Variants in OTUD4 observed in about 807,000 individuals in gnomAD.
OTUD4 encodes the protein OTU domain-containing protein 4.
Under a neutral mutation model 130.4 loss-of-function variants are expected in OTUD4, and 24 were observed. The ratio of observed to expected loss-of-function variants is 0.18; its 90% CI spans 0.13 to 0.26. OTUD4 has a LOEUF of 0.26. Among genes scored for constraint, OTUD4 ranks in the 10% least tolerant of loss-of-function variants. The pLI, the probability that OTUD4 is intolerant of heterozygous loss-of-function variation, is 1.00. For synonymous variants in OTUD4, 420 were observed against 472.5 expected (o/e 0.89, Z 1.44); for missense variants, 1,031 against 1,329.4 (o/e 0.78, Z 3.49).
chr4:145,177,942 CCA>C (rs762502151), intron 1 of OTUD4, among the ~76,000 whole-genome samples: 1 of 151,742 alleles, frequency 6.6e-6, no homozygotes, highest in Non-Finnish European at 1.5e-5. Context: ...TTCCTTTTTC[CCA>C]CACACACACA....
At chr4:145,145,521 G>C (rs36226326) in intron 14 of OTUD4, among the ~76,000 whole-genome samples, 3 of 152,088 alleles carry the variant, frequency 2.0e-5, no homozygotes, top group South Asian at 2.1e-4. Context: ...GTAACCTCCC[G>C]TAACAGTCCA....
rs1181829670 is a variant in OTUD4, at chr4:145,137,756, G to A, written c.3019C>T (p.Pro1007Ser). ...DPKTAADVVS[P>S]GANSVDSRVQ... is the part of the protein sequence containing the mutation. ...CTGCTATCAACAGAGTTGGCCCCAGGGCTGACCACATCAGCAGCAGTCTTA... is the reference window on the plus strand; with the variant it reads ...CTGCTATCAACAGAGTTGGCCCCAGAGCTGACCACATCAGCAGCAGTCTTA... The change falls in exon 21 of 21, where the codon CCT (proline) becomes TCT (serine). Residue 1007 changes from proline (P) to serine (S), a missense_variant. This residue lies in a region of OTUD4 where 900 missense variants were observed against 1,095.9 expected (regional missense o/e 0.82). Coordinates refer to ENST00000447906, the MANE Select transcript of OTUD4 (RefSeq NM_001366057.1). 1 of 1,613,658 alleles carries A rather than the reference G, an allele frequency of 6.2e-7. No homozygotes were observed. Among genetic ancestry groups the A allele is most frequent in the African/African-American group, 1.3e-5 (1 of 74,774 alleles).
At chr4:145,156,510 C>A (rs1027614644) in intron 7 of OTUD4, among the ~76,000 whole-genome samples, 3 of 151,976 alleles carry the variant, frequency 2.0e-5, no homozygotes, top group Admixed American at 6.6e-5. Context: ...ATGGAGAAAC[C>A]CCATCTCTAC....
rs1450494033 is a variant in OTUD4, at chr4:145,141,371, G to C, written c.2083+8C>G. 2 of 1,571,460 alleles carry C rather than the reference G, an allele frequency of 1.3e-6. No homozygotes were observed. The highest frequency in any genetic ancestry group is 2.3e-5 in the East Asian group (1 of 43,816). ...TAAAGTCGATTTGAACTTGGAGAAG[G>C]AGCTCACCTTTAGGTAGGTCCTCCC... On this transcript the variant is annotated splice_region_variant and intron_variant, in intron 19 of 20. Coordinates refer to ENST00000447906, the MANE Select transcript of OTUD4 (RefSeq NM_001366057.1).
chr4:145,147,899 C>G (rs1237575220), intron 13 of OTUD4, among the ~76,000 whole-genome samples: 2 of 152,126 alleles, frequency 1.3e-5, no homozygotes, highest in African/African-American at 2.4e-5. Context: ...TAAAATCTGA[C>G]TAGATTTTGT....
At chr4:145,149,576 A>C (rs757580183) in intron 13 of OTUD4, 1 of 152,262 alleles carries the variant, frequency 6.6e-6, no homozygotes, top group Admixed American at 6.5e-5. Flanking sequence ...GGGGTGAAAG[A>C]GTAGAACAAG....
In OTUD4 at chr4:145,137,318, TG is replaced by T; in HGVS notation, c.*111del. Reference sequence around the variant, plus strand: ...GTATGGGAGTGAAGGTAAGGGGGGCTGGGGAGAGGAAAGAGTTCCAACTGCG... The same window carrying T: ...GTATGGGAGTGAAGGTAAGGGGGGCTGGGAGAGGAAAGAGTTCCAACTGCG... On this transcript the variant is annotated 3_prime_UTR_variant, in exon 21 of 21. Transcript: ENST00000447906. The T allele has an allele frequency of 1.2e-6, 1 of 852,600 alleles. No individual in the cohort carries two copies. The highest frequency in any genetic ancestry group is 1.9e-6 in the Non-Finnish European group (1 of 538,166). 52.8% of individuals were successfully genotyped at this position (852,600 alleles called of 1,614,324 possible). A position where few individuals can be genotyped will look rare whatever the true frequency, so the allele number is the denominator to read the frequency against.
chr4:145,164,651 A>G (rs945905192), intron 4 of OTUD4, among the ~76,000 whole-genome samples: 42 of 152,292 alleles, frequency 2.8e-4, no homozygotes, highest in African/African-American at 8.7e-4. Flanking sequence ...GAGCACCAAC[A>G]TGACACTCAA....
intron 3 of OTUD4, chr4:145,171,022 T>G (rs913914084): frequency 6.6e-6 from 1 of 152,262 alleles, no homozygotes; most frequent in African/African-American, 2.4e-5. Flanking sequence ...GAACTCTGCC[T>G]TCTCAGTTGC....
chr4:145,155,970 T>C lies in OTUD4; in HGVS notation c.656A>G (p.Asp219Gly). ...TGACAAAGGTTTAAATCCATTCACA[T>C]CAGCAGCAGCAGCAGCAGTCTTACT... Reference protein sequence around the residue: ...CKSKTAAAAADVNGFKPLSGN... With the variant: ...CKSKTAAAAAGVNGFKPLSGN... Residue 219 changes from aspartate to glycine, a missense_variant, in exon 8 of 21, where the codon GAT becomes GGT. Physicochemically the swap from Asp to Gly is moderately conservative, Grantham distance 94. Around this residue, in one of 3 missense-constraint regions of OTUD4, gnomAD observed 900 missense variants for 1,095.9 expected, o/e 0.82. Coordinates refer to ENST00000447906, the MANE Select transcript of OTUD4 (RefSeq NM_001366057.1). 1.2e-6 allele frequency: 2 copies of C among 1,606,738 alleles called. No homozygotes were observed. The highest frequency in any genetic ancestry group is 1.7e-6 in the Non-Finnish European group (2 of 1,174,898).
At chr4:145,173,679 A>G (rs1272358896) in intron 2 of OTUD4, among the ~76,000 whole-genome samples, 1 of 152,108 alleles carries the variant, frequency 6.6e-6, no homozygotes, top group Non-Finnish European at 1.5e-5. Flanking sequence ...AACATTCTCT[A>G]CCAGTCAACT....
rs965174834 is a variant in OTUD4 at position 145,179,699 on chromosome 4, G to A, written c.159+116C>T. 29 of 1,410,864 alleles carry A rather than the reference G, an allele frequency of 2.1e-5. No individual in the cohort carries two copies. The African/African-American group carries it at 4.0e-4, about 19-fold the overall frequency. 87.4% of individuals were successfully genotyped at this position (1,410,864 alleles called of 1,614,324 possible). A position where few individuals can be genotyped will look rare whatever the true frequency, so the allele number is the denominator to read the frequency against. On this transcript the variant is annotated intron_variant, in intron 1 of 20. Transcript: ENST00000447906. ...CAATGGGGCGCTGTGACGACAGCCA[G>A]GGCACGCGCAGCCCCGGCCGTGGGC...
chr4:145,142,784 A>G (rs1366469865), intron 17 of OTUD4, among the ~76,000 whole-genome samples: 1 of 152,276 alleles, frequency 6.6e-6, no homozygotes, highest in Non-Finnish European at 1.5e-5. Context: ...TCCTCATGTA[A>G]CTATATGCTT....
chr4:145,146,225 A>G, intron 14 of OTUD4, 42 bp downstream of exon 14: 1 of 1,351,480 alleles, frequency 7.4e-7, no homozygotes, highest in Non-Finnish European at 9.8e-7. Flanking sequence ...TATTAAGAGA[A>G]ACTTCTGTAT....
At chr4:145,147,225 C>T (rs1017065461) in intron 13 of OTUD4, among the ~76,000 whole-genome samples, 1 of 152,124 alleles carries the variant, frequency 6.6e-6, no homozygotes, top group Admixed American at 6.5e-5. Context: ...TTATCCTCCT[C>T]GAGTAGAGCA....
At position 145,139,976 on chromosome 4, in the gene OTUD4, C is replaced by A; in HGVS notation, c.2099G>T (p.Arg700Leu). 2.5e-6 allele frequency: 2 copies of A among 811,678 alleles called. No individual in the cohort carries two copies. Among genetic ancestry groups the A allele is most frequent in the Non-Finnish European group, 1.9e-6 (1 of 518,244 alleles). 50.3% of individuals were successfully genotyped at this position (811,678 alleles called of 1,614,324 possible). ...EDLPKDKNIL[R>L]FFFNLGVKAY... Reference sequence around the variant, plus strand: ...CTTCACACCAAGATTGAAGAAGAATCGAAGAATATTCTTATCTAAAAATAA... The same window carrying A: ...CTTCACACCAAGATTGAAGAAGAATAGAAGAATATTCTTATCTAAAAATAA... The change falls in exon 20 of 21, where the codon CGA becomes CTA. Residue 700 changes from arginine to leucine, a missense_variant. Physicochemically the swap from Arg to Leu is moderately radical, Grantham distance 102 (BLOSUM62 -2). Around this residue, in one of 3 missense-constraint regions of OTUD4, gnomAD observed 900 missense variants for 1,095.9 expected, o/e 0.82. Coordinates refer to ENST00000447906, the MANE Select transcript of OTUD4 (RefSeq NM_001366057.1).
intron 7 of OTUD4, among the ~76,000 whole-genome samples, chr4:145,158,249 C>G (rs1751388275): frequency 6.6e-6 from 1 of 152,070 alleles, no homozygotes; most frequent in Non-Finnish European, 1.5e-5. Flanking sequence ...TTTGGGAGGC[C>G]AAGGCGGGTG....
In OTUD4 at chr4:145,138,294, A is replaced by G. The variant is rs751259561; in HGVS notation, c.2481T>C (p.Tyr827=). 6.2e-7 allele frequency: 1 copy of G among 1,614,094 alleles called. No individual in the cohort carries two copies. The highest frequency in any genetic ancestry group is 8.5e-7 in the Non-Finnish European group (1 of 1,179,958). The change falls in exon 21 of 21, where the codon TAT becomes TAC. Residue 827 remains tyrosine (Y), a synonymous_variant. Transcript: ENST00000447906. ...ETPGQLLHAD[Y]EESLSGKNMF... ...TATTCTTGCCACTTAGTGACTCTTC[A>G]TAATCAGCATGCAGAAGCTGCCCAG... is the stretch of plus-strand genomic sequence containing the variant.
rs1560977629 is a variant in OTUD4 at position 145,141,418 on chromosome 4, G to A, written c.2044C>T (p.Pro682Ser). 6.2e-7 allele frequency: 1 copy of A among 1,613,376 alleles called. No individual in the cohort carries two copies. Among genetic ancestry groups the A allele is most frequent in the African/African-American group, 1.3e-5 (1 of 74,908 alleles). ...TCCCCAGTCTGACACAGTGAATAAG[G>A]TGGTACAATGGCTCGATCTCCCTTT... ...NEKGDRAIVPPYSLCQTGEDL... is the reference protein window; with the variant it reads ...NEKGDRAIVPSYSLCQTGEDL... The change falls in exon 19 of 21, where the codon CCT becomes TCT. Residue 682 changes from proline to serine, a missense_variant. By Grantham distance (74) the Pro-to-Ser change is moderately conservative. Around this residue, in one of 3 missense-constraint regions of OTUD4, gnomAD observed 900 missense variants for 1,095.9 expected, o/e 0.82. Coordinates refer to ENST00000447906, the MANE Select transcript of OTUD4 (RefSeq NM_001366057.1).
Sources: allele counts gnomAD v4.1 joint callset (sites outside exome capture counted in the v4.1 genomes callset), GRCh38; gene constraint gnomAD v4.1.1; regional missense constraint gnomAD v4.1.1; transcripts MANE v1.5; gene names NCBI Gene and HGNC (gene_info 2026-07-23, HGNC 2026-07-21).